Variants in RSF1 observed in about 807,000 individuals in gnomAD.
RSF1 encodes the protein HBV pX-associated protein 8.
A neutral mutation model predicts 145.2 loss-of-function variants in RSF1; 13 were observed. That is an observed-to-expected ratio of 0.09 (90% confidence interval 0.06 to 0.14). The LOEUF (loss-of-function observed/expected upper bound fraction) is 0.14, where lower values mean the gene tolerates loss of function less well. RSF1 is among the 10% of genes least tolerant of loss of function. The pLI, the probability that RSF1 is intolerant of heterozygous loss-of-function variation, is 1.00. For missense variants in RSF1, 1,517 were observed against 1,718.2 expected, an observed-to-expected ratio of 0.88 and a Z score of 2.07; for synonymous variants, 577 against 592.6, an observed-to-expected ratio of 0.97 and a Z score of 0.38.
At chr11:77,780,941 G>A (rs1256309322) in intron 1 of RSF1, among the ~76,000 whole-genome samples, 1 of 151,954 alleles carries the variant, frequency 6.6e-6, no homozygotes, top group African/African-American at 2.4e-5. Context: ...CCATACTACA[G>A]ATTTGCCTTT....
intron 1 of RSF1, among the ~76,000 whole-genome samples, chr11:77,803,478 T>C (rs1948646469): frequency 6.8e-6 from 1 of 146,756 alleles, no homozygotes; most frequent in Non-Finnish European, 1.5e-5. Context: ...ACAAATACCC[T>C]AATAAAAACT....
chr11:77,683,933 G>A, intron 10 of RSF1, 114 bp from the exon 11 acceptor site: 3 of 686,674 alleles, frequency 4.4e-6, no homozygotes, highest in Non-Finnish European at 4.8e-6. Flanking sequence ...GTCTGAAAAA[G>A]TTTGAGATGA....
At chr11:77,802,824 T>C (rs566243969) in intron 1 of RSF1, among the ~76,000 whole-genome samples, 34 of 152,234 alleles carry the variant, frequency 2.2e-4, no homozygotes, top group African/African-American at 7.9e-4. Flanking sequence ...GTGCTAGGAT[T>C]ACAGGAGTGA....
At chr11:77,773,211 G>C (rs1196510500) in intron 1 of RSF1, among the ~76,000 whole-genome samples, 1 of 152,030 alleles carries the variant, frequency 6.6e-6, no homozygotes, top group Non-Finnish European at 1.5e-5. Context: ...ACCATCCAAT[G>C]GCTTTTAGTG....
At chr11:77,855,890 A>G in the RSF1 span, among the ~76,000 whole-genome samples, 1 of 151,968 alleles carries the variant, frequency 6.6e-6, no homozygotes, top group Non-Finnish European at 1.5e-5. Flanking sequence ...GGCCAAGGTG[A>G]GCAGATTGCT....
chr11:77,716,016 A>C (rs1268584256), intron 5 of RSF1, among the ~76,000 whole-genome samples: 3 of 152,184 alleles, frequency 2.0e-5, no homozygotes, highest in Admixed American at 2.0e-4. Context: ...GTATCAAAAA[A>C]TGTTCAATCT....
the RSF1 span, among the ~76,000 whole-genome samples, chr11:77,862,538 T>G: frequency 6.6e-6 from 1 of 152,174 alleles, no homozygotes; most frequent in Non-Finnish European, 1.5e-5. Context: ...TTTGGTTCAT[T>G]GTTTACCCCT....
At chr11:77,690,160 T>G (rs1399317088) in intron 9 of RSF1, among the ~76,000 whole-genome samples, 1 of 74,782 alleles carries the variant, frequency 1.3e-5, no homozygotes, top group Non-Finnish European at 2.7e-5. Context: ...AGACTCCATC[T>G]CAAAAAAAAA....
At chr11:77,810,896 GATA>G (rs1394277412) in intron 1 of RSF1, among the ~76,000 whole-genome samples, 1 of 152,180 alleles carries the variant, frequency 6.6e-6, no homozygotes, top group African/African-American at 2.4e-5. Context: ...GGGCTAGACA[GATA>G]ATAAGTTCTT....
In RSF1 at chr11:77,702,404, A is replaced by C; in HGVS notation, c.825T>G (p.Thr275=). Residue 275 remains threonine, a synonymous_variant, in exon 6 of 16, where the codon ACT becomes ACG. Transcript: ENST00000308488. ...RSTANVLEET[T]VKKEKEDEKE... is the part of the protein sequence containing the mutation. ...TTTCATCTTCTTTTTCTTTTTTCAC[A>C]GTAGTCTCTTCTAGAACATTGGCTG... is the stretch of plus-strand genomic sequence containing the variant. 1.2e-6 allele frequency: 2 copies of C among 1,608,390 alleles called. No homozygotes were observed. Among genetic ancestry groups the C allele is most frequent in the Non-Finnish European group, 1.7e-6 (2 of 1,178,744 alleles).
intron 2 of RSF1, among the ~76,000 whole-genome samples, chr11:77,750,591 CTG>C (rs1948051680): frequency 6.6e-6 from 1 of 152,180 alleles, no homozygotes; most frequent in Non-Finnish European, 1.5e-5. Flanking sequence ...CAGAAATTAG[CTG>C]TGTCTATCAG....
the RSF1 span, chr11:77,841,182 A>G: frequency 2.8e-6 from 2 of 702,040 alleles, no homozygotes; most frequent in Non-Finnish European, 5.2e-6. Flanking sequence ...AGCATAATCT[A>G]TTCATGAGGG....
chr11:77,810,363 A>G (rs2135986859), intron 1 of RSF1, among the ~76,000 whole-genome samples: 1 of 152,316 alleles, frequency 6.6e-6, no homozygotes, highest in Non-Finnish European at 1.5e-5. Flanking sequence ...CTTGAATGAA[A>G]GAAATTTAGT....
chr11:77,705,052 G>C (rs1960514736), intron 5 of RSF1, among the ~76,000 whole-genome samples: 1 of 151,982 alleles, frequency 6.6e-6, no homozygotes, highest in African/African-American at 2.4e-5. Flanking sequence ...TGCCTGGCCG[G>C]CTTGGTTCTT....
chr11:77,869,409 C>A, the RSF1 span, among the ~76,000 whole-genome samples: 1 of 149,524 alleles, frequency 6.7e-6, no homozygotes, highest in East Asian at 2.0e-4. Flanking sequence ...ACCTCCCAGG[C>A]CCAAGCAATC....
At chr11:77,693,696 C>G in intron 7 of RSF1, 85 bp from the exon 8 acceptor site, 1 of 828,336 alleles carries the variant, frequency 1.2e-6, no homozygotes, top group Non-Finnish European at 2.0e-6. Flanking sequence ...TCTCTGAGTA[C>G]TATACTGCAA....
At chr11:77,698,448 C>G in intron 7 of RSF1, 39 bp downstream of exon 7, 3 of 1,572,750 alleles carry the variant, frequency 1.9e-6, no homozygotes, top group Non-Finnish European at 2.6e-6. Flanking sequence ...CTCACCATGT[C>G]TGTAATATGA....
chr11:77,735,072 C>T (rs77942147), intron 4 of RSF1: 152,618 of 1,128,678 alleles, frequency 0.14, 12,356 homozygotes, highest in African/African-American at 0.3. Context: ...GGCTGCGTGG[C>T]GCTGGGGCGG....
upstream of RSF1, among the ~76,000 whole-genome samples, chr11:77,824,420 G>A (rs1346119121): frequency 6.6e-6 from 1 of 152,118 alleles, no homozygotes; most frequent in Non-Finnish European, 1.5e-5. Context: ...CAAATTTCAT[G>A]TCCTATTAGG....
Sources: gnomAD v4.1 joint callset for allele counts (sites outside exome capture counted in the v4.1 genomes callset) on GRCh38, gnomAD v4.1.1 for gene constraint, MANE v1.5 for transcripts, NCBI Gene and HGNC (gene_info 2026-07-23, HGNC 2026-07-21) for gene names.